Variants in GPC6 observed in about 807,000 individuals in gnomAD.
The protein encoded by GPC6 is glypican 6.
GPC6 carries 14 observed loss-of-function variants against 55.2 expected under a neutral mutation model. The ratio of observed to expected loss-of-function variants is 0.25; its 90% confidence interval spans 0.17 to 0.40. GPC6 has a LOEUF of 0.40. GPC6 is among the 10% of genes least tolerant of loss of function. The pLI, the probability that GPC6 is intolerant of heterozygous loss-of-function variation, is 1.00. For missense variants in GPC6, 641 were observed against 708.5 expected, an observed-to-expected ratio of 0.90 and a Z score of 1.08; for synonymous variants, 278 against 259.6, an observed-to-expected ratio of 1.07 and a Z score of -0.68.
Position 93,814,220 on chromosome 13 carries a change from C to T in GPC6, c.320-15934C>T, listed in dbSNP as rs533269606. 3.0e-4 allele frequency among the ~76,000 whole-genome samples: 46 copies of T among 152,208 alleles called. 1 individual carries two copies. The highest frequency in any genetic ancestry group is 1.2e-3 in the Admixed American group (19 of 15,288). ...GGTCCTTCACTTCTTATTTATACAG[C>T]GCTTATTCTAGATTTATGCCATTAA... On this transcript the variant is annotated intron_variant, in intron 2 of 8. Transcript: ENST00000377047.
At chr13:93,842,557 C>G (rs943455941) in intron 3 of GPC6, among the ~76,000 whole-genome samples, 1 of 151,958 alleles carries the variant, frequency 6.6e-6, no homozygotes, top group Non-Finnish European at 1.5e-5. Context: ...ATTGTAAAAC[C>G]TTTCACTCCC....
intron 2 of GPC6, among the ~76,000 whole-genome samples, chr13:93,808,673 C>G (rs1886607686): frequency 6.6e-6 from 1 of 152,128 alleles, no homozygotes; most frequent in Admixed American, 6.5e-5. Flanking sequence ...CTATGGAAAG[C>G]AAGTTTATTC....
intron 4 of GPC6, among the ~76,000 whole-genome samples, chr13:94,199,550 C>T (rs1190030392): frequency 6.6e-6 from 1 of 152,192 alleles, no homozygotes; most frequent in African/African-American, 2.4e-5. Context: ...TAACACAGTG[C>T]TTTGGCTTGC....
intron 1 of GPC6, among the ~76,000 whole-genome samples, chr13:93,360,246 G>A (rs917349391): frequency 1.3e-5 from 2 of 152,134 alleles, no homozygotes; most frequent in African/African-American, 4.8e-5. Flanking sequence ...TCAAGTATAA[G>A]GTTGTGAGAT....
At chr13:94,299,545 A>C (rs1203642406) in intron 5 of GPC6, among the ~76,000 whole-genome samples, 1 of 152,206 alleles carries the variant, frequency 6.6e-6, no homozygotes, top group African/African-American at 2.4e-5. Flanking sequence ...GGGCTGGATT[A>C]GTAGTGCCCC....
intron 3 of GPC6, among the ~76,000 whole-genome samples, chr13:94,020,063 G>A (rs980903288): frequency 6.6e-6 from 1 of 151,598 alleles, no homozygotes; most frequent in African/African-American, 2.4e-5. Flanking sequence ...CACTAGCTTT[G>A]GGCTTAGTTT....
Position 94,326,207 on chromosome 13 carries a change from A to G in GPC6, c.1152+20084A>G, listed in dbSNP as rs1261001635. Among the ~76,000 whole-genome samples, 6 of 113,152 alleles carry G rather than the reference A, an allele frequency of 5.3e-5. No individual in the cohort carries two copies. The South Asian group carries it at 7.5e-4, about 14-fold the overall frequency. The allele number at this position is 113,152 out of a possible 152,430, so 74.2% of individuals were successfully genotyped here. ...TCAGGTATTTTTGGTATGCTTGTGCACACACACACACACACACACACACAC... is the reference window on the plus strand; with the variant it reads ...TCAGGTATTTTTGGTATGCTTGTGCGCACACACACACACACACACACACAC... On this transcript the variant is annotated intron_variant, in intron 6 of 8. Transcript: ENST00000377047.
At chr13:94,248,237 A>G (rs937147028) in intron 4 of GPC6, among the ~76,000 whole-genome samples, 1 of 152,136 alleles carries the variant, frequency 6.6e-6, no homozygotes, top group Non-Finnish European at 1.5e-5. Context: ...TCAGCTCCCA[A>G]TTCAATTTGC....
At chr13:93,594,621 G>A (rs1877645380) in intron 2 of GPC6, among the ~76,000 whole-genome samples, 1 of 151,892 alleles carries the variant, frequency 6.6e-6, no homozygotes. Flanking sequence ...CTAAAAGAGG[G>A]AAAGATCAAT....
rs1036509845 is a variant in GPC6, at chr13:93,789,501, C to A, written c.320-40653C>A. Among the ~76,000 whole-genome samples the A allele has an allele frequency of 7.6e-5, 6 of 78,966 alleles. No homozygotes were observed. The East Asian group carries it at 1.7e-3, about 22-fold the overall frequency. 51.8% of individuals were successfully genotyped at this position (78,966 alleles called of 152,430 possible). A position where few individuals can be genotyped will look rare whatever the true frequency, so the allele number is the denominator to read the frequency against. On this transcript the variant is annotated intron_variant, in intron 2 of 8. Coordinates refer to ENST00000377047, the MANE Select transcript of GPC6 (RefSeq NM_005708.5). The stretch of plus-strand genomic sequence containing the variant: ...GAGTGAACTCTCTCTCTCTCTCTCT[C>A]TCTCTCTCTATATATATATATATAT...
chr13:93,731,533 C>G (rs903417598), intron 2 of GPC6, among the ~76,000 whole-genome samples: 4 of 152,260 alleles, frequency 2.6e-5, no homozygotes, highest in South Asian at 4.1e-4. Flanking sequence ...CTTTGCAAAC[C>G]AAGCGTCTAT....
chr13:93,810,633 G>T (rs1207999287), intron 2 of GPC6, among the ~76,000 whole-genome samples: 1 of 152,124 alleles, frequency 6.6e-6, no homozygotes, highest in Non-Finnish European at 1.5e-5. Flanking sequence ...GGGCATTAAA[G>T]AATTCTGATA....
intron 3 of GPC6, among the ~76,000 whole-genome samples, chr13:93,937,782 T>C: frequency 6.6e-6 from 1 of 152,178 alleles, no homozygotes; most frequent in East Asian, 1.9e-4. Flanking sequence ...TTTCACCATG[T>C]TGGCCAGGCT....
intron 4 of GPC6, among the ~76,000 whole-genome samples, chr13:94,159,683 T>G (rs915538578): frequency 4.6e-5 from 7 of 152,110 alleles, no homozygotes; most frequent in African/African-American, 1.7e-4. Context: ...GAAAATCAAG[T>G]TGAAGCTCCA....
At chr13:94,193,595 T>C (rs1232523536) in intron 4 of GPC6, among the ~76,000 whole-genome samples, 1 of 152,068 alleles carries the variant, frequency 6.6e-6, no homozygotes, top group East Asian at 1.9e-4. Context: ...CAGAACGTGG[T>C]GAGCGTGCGA....
At chr13:93,972,347 A>G (rs1001153256) in intron 3 of GPC6, among the ~76,000 whole-genome samples, 6 of 152,178 alleles carry the variant, frequency 3.9e-5, no homozygotes, top group Non-Finnish European at 5.9e-5. Flanking sequence ...CCTTGCATAT[A>G]TAGATTTTTC....
intron 1 of GPC6, among the ~76,000 whole-genome samples, chr13:93,445,741 A>G (rs1454055923): frequency 1.3e-5 from 2 of 152,242 alleles, no homozygotes; most frequent in African/African-American, 4.8e-5. Context: ...ATTGTCAAGG[A>G]CACAGTGGGC....
intron 2 of GPC6, among the ~76,000 whole-genome samples, chr13:93,628,914 A>C (rs2139568277): frequency 6.6e-6 from 1 of 152,250 alleles, no homozygotes; most frequent in South Asian, 2.1e-4. Flanking sequence ...CACAATTACA[A>C]GAAAGAAGCA....
chr13:93,757,637 T>C (rs1307046939), intron 2 of GPC6, among the ~76,000 whole-genome samples: 1 of 152,174 alleles, frequency 6.6e-6, no homozygotes, highest in Non-Finnish European at 1.5e-5. Flanking sequence ...GTTCATCTCT[T>C]TCTAGGGGAT....
Sources: gnomAD v4.1 joint callset for allele counts (sites outside exome capture counted in the v4.1 genomes callset) on GRCh38, gnomAD v4.1.1 for gene constraint, MANE v1.5 for transcripts, NCBI Gene and HGNC (gene_info 2026-07-23, HGNC 2026-07-21) for gene names.